Variants in COLGALT2 observed in about 807,000 individuals in gnomAD.
The protein encoded by COLGALT2 is collagen beta(1-O)galactosyltransferase 2.
Under a neutral mutation model 73.4 loss-of-function variants are expected in COLGALT2, and 49 were observed. That is an observed-to-expected ratio of 0.67 (90% confidence interval 0.53 to 0.85). The LOEUF is 0.85. Among genes scored for constraint, COLGALT2 ranks in the 40% least tolerant of loss-of-function variants. The probability of loss-of-function intolerance (pLI) is 0.00; values close to 1 mark genes in which losing one functional copy is unlikely to be tolerated. For missense variants in COLGALT2, 722 were observed against 790.2 expected (o/e 0.91, Z 1.03); for synonymous variants, 295 against 307.6 (o/e 0.96, Z 0.43).
intron 6 of COLGALT2, among the ~76,000 whole-genome samples, chr1:183,959,057 A>C (rs1670627510): frequency 6.6e-6 from 1 of 152,098 alleles, no homozygotes. Context: ...TGTCAAGGTC[A>C]TCACAGACCT....
Position 183,967,501 on chromosome 1 carries a change from G to A in COLGALT2, c.832+1768C>T, listed in dbSNP as rs1452215474. ...TAACACACAAAATCCTGGTGAACAG[G>A]CCAAGCACAGGGCAGAGCTGAAAAA... On this transcript the variant is annotated intron_variant, in intron 5 of 11. Coordinates refer to ENST00000361927, the MANE Select transcript of COLGALT2 (RefSeq NM_015101.4). 5.3e-5 allele frequency among the ~76,000 whole-genome samples: 8 copies of A among 152,196 alleles called. No homozygotes were observed. The East Asian group carries it at 1.5e-3, about 29-fold the overall frequency.
intron 1 of COLGALT2, among the ~76,000 whole-genome samples, chr1:184,036,422 C>A (rs139571625): frequency 1.3e-4 from 20 of 152,244 alleles, no homozygotes; most frequent in African/African-American, 2.2e-4. Context: ...GGACGTGGAA[C>A]CCCGATGCAC....
chr1:183,962,240 A>AGATTGTTTCATTAAT (rs1456552544), intron 6 of COLGALT2, among the ~76,000 whole-genome samples: 10 of 139,082 alleles, frequency 7.2e-5, no homozygotes, highest in Admixed American at 3.2e-4. Flanking sequence ...GCTCACTGCA[A>AGATTGTTTCATTAAT]CCTCTGCCTC....
At chr1:183,945,796 T>C (rs532673199) in intron 8 of COLGALT2, 3 of 548,428 alleles carry the variant, frequency 5.5e-6, no homozygotes, top group South Asian at 2.5e-5. Context: ...GTGCCCAACA[T>C]AGTTCTAAGC....
At chr1:184,000,979 G>A (rs1295543699) in intron 1 of COLGALT2, among the ~76,000 whole-genome samples, 1 of 151,960 alleles carries the variant, frequency 6.6e-6, no homozygotes, top group Non-Finnish European at 1.5e-5. Context: ...ACAGGCGCCC[G>A]CCACCACGCC....
intron 1 of COLGALT2, among the ~76,000 whole-genome samples, chr1:184,015,726 GC>G (rs1209226172): frequency 6.6e-6 from 1 of 152,160 alleles, no homozygotes; most frequent in Non-Finnish European, 1.5e-5. Context: ...GAACTGTGGG[GC>G]TGATGTGAAG....
exon 12 of COLGALT2, chr1:183,930,227 G>A (rs1008003787): frequency 1.8e-5 from 8 of 456,114 alleles, no homozygotes; most frequent in Non-Finnish European, 3.1e-5. Flanking sequence ...GCACGGGTTT[G>A]TTCACCGTTG....
chr1:183,977,812 A>AAGAGAGAGAGAGAGAGAGAG (rs59481089), intron 2 of COLGALT2, among the ~76,000 whole-genome samples: 2,635 of 52,254 alleles, frequency 0.05, 49 homozygotes, highest in Middle Eastern at 0.14. Flanking sequence ...GAAAGAGAGA[A>AAGAGAGAGAGAGAGAGAGAG]AGAGAGAGAG....
At chr1:183,995,801 AT>A (rs1169898038) in intron 1 of COLGALT2, among the ~76,000 whole-genome samples, 12 of 151,814 alleles carry the variant, frequency 7.9e-5, no homozygotes, top group South Asian at 4.1e-4. Flanking sequence ...TTGCACTTTT[AT>A]GGGGTATTCT....
At chr1:184,001,716 T>G (rs1671932235) in intron 1 of COLGALT2, among the ~76,000 whole-genome samples, 2 of 152,242 alleles carry the variant, frequency 1.3e-5, no homozygotes, top group Non-Finnish European at 2.9e-5. Flanking sequence ...CACACCAAGT[T>G]AATTTACATA....
intron 1 of COLGALT2, among the ~76,000 whole-genome samples, chr1:183,998,537 T>G (rs1671829702): frequency 6.6e-6 from 1 of 152,204 alleles, no homozygotes; most frequent in Admixed American, 6.5e-5. Flanking sequence ...TTGTTTTGCT[T>G]TTTGAATGAC....
chr1:184,015,404 C>T (rs1648966851), intron 1 of COLGALT2, among the ~76,000 whole-genome samples: 1 of 152,196 alleles, frequency 6.6e-6, no homozygotes, highest in African/African-American at 2.4e-5. Context: ...AGAACAGTGC[C>T]TTGTTCCTCA....
chr1:183,966,484 A>C (rs1265484830), intron 5 of COLGALT2, among the ~76,000 whole-genome samples: 1 of 152,200 alleles, frequency 6.6e-6, no homozygotes, highest in Non-Finnish European at 1.5e-5. Context: ...TTAGTGCCAA[A>C]TCTTTGTCCC....
At chr1:183,969,573 T>C (rs1255288331) in intron 4 of COLGALT2, 100 bp from the exon 5 acceptor site, 1 of 1,068,816 alleles carries the variant, frequency 9.4e-7, no homozygotes, top group African/African-American at 1.6e-5. Context: ...TTACCAGCTA[T>C]ATACAAGCTC....
At chr1:183,959,871 C>T (rs532838262) in intron 6 of COLGALT2, among the ~76,000 whole-genome samples, 28 of 152,322 alleles carry the variant, frequency 1.8e-4, no homozygotes, top group African/African-American at 5.8e-4. Context: ...CCCAATCATG[C>T]TGGCCTTTTG....
rs1671108660 is a variant in COLGALT2, at chr1:183,973,620, G to C, written c.623C>G (p.Pro208Arg). Residue 208 changes from proline (P) to arginine (R), a missense_variant, in exon 4 of 12, where the codon CCT (proline) becomes CGT (arginine). By Grantham distance (103) the Pro-to-Arg change is moderately radical. Transcript: ENST00000361927. The stretch of plus-strand genomic sequence containing the variant: ...TCATTTAAGCAAAAGACTTGCCTTA[G>C]GGGTGATTCCGCACCAGAAATTAGA... ...LYSNFWCGIT[P>R]KGFYKRTPDY... 4 of 1,613,994 alleles carry C rather than the reference G, an allele frequency of 2.5e-6. No homozygotes were observed. Among genetic ancestry groups the C allele is most frequent in the Non-Finnish European group, 3.4e-6 (4 of 1,179,958 alleles).
Position 183,936,961 on chromosome 1 carries a change from C to T in COLGALT2, c.*1800G>A. The stretch of plus-strand genomic sequence containing the variant: ...CCGCCCCTCACCTGGGGAGATGAGG[C>T]TGCCTTGACTACCTATTTGGTGATG... On this transcript the variant is annotated 3_prime_UTR_variant, in exon 12 of 12. Transcript: ENST00000361927. The T allele has an allele frequency of 8.1e-7, 1 of 1,231,748 alleles. No homozygotes were observed. 76.3% of individuals were successfully genotyped at this position (1,231,748 alleles called of 1,614,324 possible).
intron 8 of COLGALT2, among the ~76,000 whole-genome samples, chr1:183,947,685 A>G: frequency 6.6e-6 from 1 of 152,170 alleles, no homozygotes; most frequent in East Asian, 1.9e-4. Flanking sequence ...ATCTTAAGAA[A>G]CTAGATAAAG....
At chr1:183,998,803 C>G (rs1207151342) in intron 1 of COLGALT2, among the ~76,000 whole-genome samples, 1 of 151,464 alleles carries the variant, frequency 6.6e-6, no homozygotes, top group Non-Finnish European at 1.5e-5. Flanking sequence ...TCTTAGGTAC[C>G]TTACATTTTT....
Sources: gnomAD v4.1 joint callset for allele counts (sites outside exome capture counted in the v4.1 genomes callset) on GRCh38, gnomAD v4.1.1 for gene constraint, MANE v1.5 for transcripts, NCBI Gene and HGNC (gene_info 2026-07-23, HGNC 2026-07-21) for gene names.